WWOX: variants seen among roughly 807,000 people sequenced by gnomAD.
The protein encoded by WWOX is WW domain-containing oxidoreductase.
A neutral mutation model predicts 46.2 loss-of-function variants in WWOX; 69 were observed. The ratio of observed to expected loss-of-function variants is 1.49; its 90% CI spans 1.23 to 1.82. WWOX has a LOEUF of 1.82. WWOX is among the 40% of genes most tolerant of loss of function. WWOX has a pLI of 0.00. For missense variants in WWOX, 919 were observed against 542.6 expected (o/e 1.69, Z -6.89); for synonymous variants, 359 against 202.6 (o/e 1.77, Z -6.56).
chr16:78,789,148 T>G lies in WWOX; in HGVS notation c.1056+356396T>G, dbSNP rs139189012. The stretch of plus-strand genomic sequence containing the variant: ...TACCTCTGTGGTGTCACCCCTCCTC[T>G]CGCATTTGGTGAGAGGAGTCTTCTG... On this transcript the variant is annotated intron_variant, in intron 8 of 8. Coordinates refer to ENST00000566780, the MANE Select transcript of WWOX (RefSeq NM_016373.4). Among the ~76,000 whole-genome samples the G allele has an allele frequency of 2.3e-3, 357 of 152,224 alleles. 2 individuals are homozygous for G. The highest frequency in any genetic ancestry group is 8.3e-3 in the African/African-American group (344 of 41,540).
At chr16:78,998,982 C>G (rs529975287) in intron 8 of WWOX, among the ~76,000 whole-genome samples, 21 of 152,302 alleles carry the variant, frequency 1.4e-4, no homozygotes, top group African/African-American at 5.1e-4. Context: ...AGGAAAGTCC[C>G]AGATGTAACA....
At chr16:79,086,624 T>A (rs965667524) in intron 8 of WWOX, among the ~76,000 whole-genome samples, 2 of 152,178 alleles carry the variant, frequency 1.3e-5, no homozygotes, top group Admixed American at 1.3e-4. Context: ...CTCATGCCTG[T>A]AATTCCAACA....
chr16:78,757,320 C>T (rs994476102), intron 8 of WWOX, among the ~76,000 whole-genome samples: 13 of 125,460 alleles, frequency 1.0e-4, no homozygotes, highest in Non-Finnish European at 1.7e-4. Context: ...TACTTTCTTA[C>T]CACCTACCCC....
intron 6 of WWOX, among the ~76,000 whole-genome samples, chr16:78,405,421 C>T (rs947497953): frequency 3.3e-5 from 5 of 152,174 alleles, no homozygotes. Flanking sequence ...AAATTGTCGA[C>T]ATGTGACGGT....
intron 8 of WWOX, chr16:78,897,846 T>G (rs982867776): frequency 1.3e-5 from 2 of 152,160 alleles, no homozygotes; most frequent in African/African-American, 2.4e-5. Flanking sequence ...AATTTCAGTC[T>G]TTTTAATTAT....
chr16:78,740,418 T>C (rs533493595), intron 8 of WWOX, among the ~76,000 whole-genome samples: 66 of 152,296 alleles, frequency 4.3e-4, no homozygotes, highest in African/African-American at 1.5e-3. Flanking sequence ...CAGCGTCCTT[T>C]GGCTTGGACC....
chr16:78,396,549 C>A (rs1242116964), intron 6 of WWOX, among the ~76,000 whole-genome samples: 1 of 152,196 alleles, frequency 6.6e-6, no homozygotes, highest in South Asian at 2.1e-4. Context: ...ATACAATTAC[C>A]CCAGGGTTGT....
chr16:79,100,877 C>T (rs1453439127), intron 8 of WWOX, among the ~76,000 whole-genome samples: 2 of 151,866 alleles, frequency 1.3e-5, no homozygotes, highest in South Asian at 2.1e-4. Context: ...AACAAGATGT[C>T]CACTGGCAAG....
chr16:78,309,567 C>G (rs553824990), intron 5 of WWOX, among the ~76,000 whole-genome samples: 1 of 152,064 alleles, frequency 6.6e-6, no homozygotes, highest in African/African-American at 2.4e-5. Context: ...ACTTTTTTCC[C>G]CTAAAGTGTA....
intron 8 of WWOX, among the ~76,000 whole-genome samples, chr16:78,787,781 C>G (rs1486669734): frequency 1.3e-5 from 2 of 152,190 alleles, no homozygotes; most frequent in Non-Finnish European, 2.9e-5. Context: ...TATATTTCCA[C>G]TTGCAGTATA....
intron 8 of WWOX, among the ~76,000 whole-genome samples, chr16:78,685,828 G>A (rs1429334046): frequency 6.6e-6 from 1 of 151,870 alleles, no homozygotes; most frequent in Non-Finnish European, 1.5e-5. Context: ...AGCCTGGTGG[G>A]AGGCTGATTA....
At chr16:78,146,707 G>T (rs34521361) in intron 4 of WWOX, among the ~76,000 whole-genome samples, 25,572 of 152,144 alleles carry the variant, frequency 0.17, 2,244 homozygotes, top group East Asian at 0.22. Context: ...CTCAGATAGC[G>T]TAAAAAGTGA....
chr16:78,669,096 G>A (rs1203358233), intron 8 of WWOX, among the ~76,000 whole-genome samples: 1 of 152,140 alleles, frequency 6.6e-6, no homozygotes, highest in Admixed American at 6.5e-5. Flanking sequence ...TAAGCAGATG[G>A]ATAAGCCAAA....
In WWOX at chr16:78,735,264, C is replaced by T. The variant is rs558206966; in HGVS notation, c.1056+302512C>T. Among the ~76,000 whole-genome samples the T allele has an allele frequency of 6.6e-5, 10 of 152,168 alleles. No homozygotes were observed. In the East Asian group the frequency reaches 1.8e-3, roughly 27 times the overall value. On this transcript the variant is annotated intron_variant, in intron 8 of 8. Coordinates refer to ENST00000566780, the MANE Select transcript of WWOX (RefSeq NM_016373.4). ...GTTGGACTGAAACTACACATCAGTT[C>T]TCCTGGCTCTCCACCTTGCCTATAG...
chr16:78,868,962 C>A (rs2044067182), intron 8 of WWOX, among the ~76,000 whole-genome samples: 1 of 152,120 alleles, frequency 6.6e-6, no homozygotes, highest in African/African-American at 2.4e-5. Flanking sequence ...CACCCATGTA[C>A]ACACAGACAC....
chr16:78,839,510 C>G (rs959540490), intron 8 of WWOX, among the ~76,000 whole-genome samples: 15 of 152,176 alleles, frequency 9.9e-5, no homozygotes, highest in African/African-American at 2.9e-4. Context: ...AGGGCTGTGA[C>G]TTTTTCTTTC....
chr16:78,362,092 A>G (rs1025393350), intron 5 of WWOX, among the ~76,000 whole-genome samples: 3 of 150,294 alleles, frequency 2.0e-5, no homozygotes, highest in African/African-American at 7.4e-5. Context: ...TCTTCTCACT[A>G]CATTCTTCCT....
At chr16:78,670,349 A>T (rs150701403) in intron 8 of WWOX, among the ~76,000 whole-genome samples, 1 of 152,172 alleles carries the variant, frequency 6.6e-6, no homozygotes, top group South Asian at 2.1e-4. Context: ...CAAGCTCCCC[A>T]GTGACCCTGG....
At chr16:78,954,435 A>G (rs1342986892) in intron 8 of WWOX, among the ~76,000 whole-genome samples, 1 of 152,156 alleles carries the variant, frequency 6.6e-6, no homozygotes, top group Non-Finnish European at 1.5e-5. Flanking sequence ...TGGATGGATA[A>G]ATGATGCATG....
Sources: allele counts gnomAD v4.1 joint callset (sites outside exome capture counted in the v4.1 genomes callset), GRCh38; gene constraint gnomAD v4.1.1; transcripts MANE v1.5; gene names NCBI Gene and HGNC (gene_info 2026-07-23, HGNC 2026-07-21).